Variants in NRXN2 observed in about 807,000 individuals in gnomAD.
The protein encoded by NRXN2 is neurexin-2-beta.
A neutral mutation model predicts 128.8 loss-of-function variants in NRXN2; 29 were observed. The ratio of observed to expected loss-of-function variants is 0.23; its 90% CI spans 0.17 to 0.31. The LOEUF is 0.31. NRXN2 is among the 10% of genes least tolerant of loss of function. NRXN2 has a pLI of 1.00. For missense variants in NRXN2, 1,881 were observed against 2,452.6 expected (o/e 0.77, Z 4.92); for synonymous variants, 1,098 against 1,075.2 (o/e 1.02, Z -0.41).
chr11:64,669,861 A>G (rs2050390722), intron 7 of NRXN2, among the ~76,000 whole-genome samples: 1 of 152,182 alleles, frequency 6.6e-6, no homozygotes, highest in South Asian at 2.1e-4. Flanking sequence ...GGTTAGCCCA[A>G]CACTGTGCTT....
Position 64,607,058 on chromosome 11 carries a change from T to C in NRXN2, c.*138A>G. On this transcript the variant is annotated 3_prime_UTR_variant, in exon 23 of 23. Transcript: ENST00000265459. ...GAGCACGGGGTTTTTCCTTTTCTTT[T>C]TTTGCGTTTCCTCTTCGTAAGAGAA... The C allele has an allele frequency of 2.1e-6, 2 of 935,442 alleles. No homozygotes were observed. Among genetic ancestry groups the C allele is most frequent in the Non-Finnish European group, 3.1e-6 (2 of 640,450 alleles). The allele number at this position is 935,442 out of a possible 1,614,324, so 57.9% of individuals were successfully genotyped here.
intron 1 of NRXN2, among the ~76,000 whole-genome samples, chr11:64,721,902 T>C (rs546447056): frequency 2.6e-4 from 40 of 152,106 alleles, no homozygotes; most frequent in Admixed American, 9.8e-4. Context: ...GACAGCCTCC[T>C]CCTTCACCTC....
Position 64,632,680 on chromosome 11 carries a change from G to A in NRXN2, c.3586-2107C>T, listed in dbSNP as rs911486245. Among the ~76,000 whole-genome samples the A allele has an allele frequency of 6.6e-6, 1 of 152,112 alleles. No homozygotes were observed. Among genetic ancestry groups the A allele is most frequent in the Non-Finnish European group, 1.5e-5 (1 of 67,996 alleles). On this transcript the variant is annotated intron_variant, in intron 18 of 22. Coordinates refer to ENST00000265459, the MANE Select transcript of NRXN2 (RefSeq NM_015080.4). The surrounding 1 kb of genome is among the most constrained non-coding windows in gnomAD (Gnocchi z 4.2). Reference sequence around the variant, plus strand: ...TTTCCTAGGAGGCAGTCAAGCTCAGGGCCCTGCACTCCGGGGGAGAGGCAG... The same window carrying A: ...TTTCCTAGGAGGCAGTCAAGCTCAGAGCCCTGCACTCCGGGGGAGAGGCAG...
Position 64,632,334 on chromosome 11 carries a change from A to C in NRXN2, c.3586-1761T>G, listed in dbSNP as rs988482982. Among the ~76,000 whole-genome samples the C allele has an allele frequency of 7.2e-5, 11 of 152,214 alleles. No homozygotes were observed. The highest frequency in any genetic ancestry group is 7.2e-4 in the Admixed American group (11 of 15,286). On this transcript the variant is annotated intron_variant, in intron 18 of 22. Transcript: ENST00000265459. The surrounding 1 kb of genome is among the most constrained non-coding windows in gnomAD (Gnocchi z 4.2). ...GCATGCAGCCTCTCTCCTCAGATGC[A>C]GTAAAGCAGGGAAACTGAGGCTGGG...
intron 8 of NRXN2, 92 bp downstream of exon 8, chr11:64,668,351 C>A: frequency 6.5e-7 from 1 of 1,529,684 alleles, no homozygotes; most frequent in South Asian, 1.1e-5. Flanking sequence ...AACAGATGAC[C>A]CAGACAACTA....
At chr11:64,655,788 C>T (rs2048189354) in intron 11 of NRXN2, among the ~76,000 whole-genome samples, 1 of 152,174 alleles carries the variant, frequency 6.6e-6, no homozygotes, top group Admixed American at 6.5e-5. Context: ...AGAGGGAAGC[C>T]AGCCCCATCC....
intron 19 of NRXN2, among the ~76,000 whole-genome samples, chr11:64,627,410 C>G (rs551052072): frequency 1.3e-5 from 2 of 151,880 alleles, no homozygotes; most frequent in Non-Finnish European, 2.9e-5. Flanking sequence ...CCTCTGCACC[C>G]TCCTCTGCCC....
chr11:64,623,247 A>G lies in NRXN2; in HGVS notation c.3848-169T>C. ...AGGAAGGGGCAGAAAGCCAAAGGGA[A>G]AGTCCTTGTCAGCCACAGCCCCTAG... On this transcript the variant is annotated intron_variant, in intron 20 of 22. Coordinates refer to ENST00000265459, the MANE Select transcript of NRXN2 (RefSeq NM_015080.4). This position sits in a 1 kb window ranked among gnomAD's most constrained non-coding sequence, Gnocchi z 4.9. 8.3e-7 allele frequency: 1 copy of G among 1,209,496 alleles called. No individual in the cohort carries two copies. The highest frequency in any genetic ancestry group is 1.1e-6 in the Non-Finnish European group (1 of 891,754). 74.9% of individuals were successfully genotyped at this position (1,209,496 alleles called of 1,614,324 possible).
chr11:64,713,008 C>A lies in NRXN2; in HGVS notation c.692G>T (p.Cys231Phe). ...CTTGCCGCCGAAGCCCGTGTGGCTGCAGTCGCAGCCCACCTCGCCGGGGGC... is the reference window on the plus strand; with the variant it reads ...CTTGCCGCCGAAGCCCGTGTGGCTGAAGTCGCAGCCCACCTCGCCGGGGGC... ...VLAPGEVGCD[C>F]SHTGFGGKFC... Residue 231 changes from cysteine to phenylalanine, a missense_variant, in exon 2 of 23, where the codon TGC becomes TTC. Transcript: ENST00000265459. 6.7e-7 allele frequency: 1 copy of A among 1,487,714 alleles called. No individual in the cohort carries two copies. The highest frequency in any genetic ancestry group is 1.3e-5 in the South Asian group (1 of 79,744). 92.2% of individuals were successfully genotyped at this position (1,487,714 alleles called of 1,614,324 possible). A position where few individuals can be genotyped will look rare whatever the true frequency, so the allele number is the denominator to read the frequency against.
Position 64,693,459 on chromosome 11 carries a change from G to A in NRXN2, c.749-583C>T, listed in dbSNP as rs201292924. Among the ~76,000 whole-genome samples, 17 of 152,116 alleles carry A rather than the reference G, an allele frequency of 1.1e-4. No individual in the cohort carries two copies. The East Asian group carries it at 1.5e-3, about 14-fold the overall frequency. On this transcript the variant is annotated intron_variant, in intron 3 of 22. Coordinates refer to ENST00000265459, the MANE Select transcript of NRXN2 (RefSeq NM_015080.4). ...GTGTCCTGTTAGCATGGGATTAAGC[G>A]GGCAAGGGGGCCTCCAACCCCCCAA...
rs143418018 is a variant in NRXN2, at chr11:64,670,572, C to T, written c.1198-1968G>A. Among the ~76,000 whole-genome samples the T allele has an allele frequency of 5.0e-3, 767 of 152,272 alleles. 5 individuals are homozygous for T. The highest frequency in any genetic ancestry group is 8.1e-3 in the Non-Finnish European group (554 of 68,010). On this transcript the variant is annotated intron_variant, in intron 7 of 22. Transcript: ENST00000265459. Reference sequence around the variant, plus strand: ...CTGCACTGAGGGACCAGGAACTGGGCTGCTGATTACTTCCTGTGCCTAAGT... The same window carrying T: ...CTGCACTGAGGGACCAGGAACTGGGTTGCTGATTACTTCCTGTGCCTAAGT...
chr11:64,707,761 C>T (rs1479901271), intron 2 of NRXN2, among the ~76,000 whole-genome samples: 1 of 152,164 alleles, frequency 6.6e-6, no homozygotes, highest in Non-Finnish European at 1.5e-5. Flanking sequence ...CTCTTAACAA[C>T]ACACTGGACA....
Position 64,630,361 on chromosome 11 carries a change from G to A in NRXN2, c.3757+41C>T. On this transcript the variant is annotated intron_variant, in intron 19 of 22. Transcript: ENST00000265459. This position sits in a 1 kb window ranked among gnomAD's most constrained non-coding sequence, Gnocchi z 4.6. ...GCACTCCTATCAGAGGCCGCCACCC[G>A]CCCCGCCACCGCGCCTCCTCCGCGG... 1.6e-6 allele frequency: 2 copies of A among 1,229,442 alleles called. No individual in the cohort carries two copies. The highest frequency in any genetic ancestry group is 2.2e-6 in the Non-Finnish European group (2 of 906,980). The allele number at this position is 1,229,442 out of a possible 1,614,324, so 76.2% of individuals were successfully genotyped here.
At chr11:64,617,454 C>T (rs1243431629) in intron 22 of NRXN2, among the ~76,000 whole-genome samples, 1 of 152,196 alleles carries the variant, frequency 6.6e-6, no homozygotes, top group Non-Finnish European at 1.5e-5. Flanking sequence ...CTGCTAAAGG[C>T]ACTCCCATTC....
intron 22 of NRXN2, among the ~76,000 whole-genome samples, chr11:64,608,666 C>T (rs1021202025): frequency 2.6e-5 from 4 of 152,142 alleles, no homozygotes; most frequent in East Asian, 1.9e-4. Context: ...ACAACTTTTC[C>T]GTACAACGTT....
chr11:64,663,312 A>G (rs548972517), intron 9 of NRXN2, among the ~76,000 whole-genome samples: 8 of 151,566 alleles, frequency 5.3e-5, no homozygotes, highest in African/African-American at 1.9e-4. Context: ...GGTTGCAGTG[A>G]GCTGAGATCA....
intron 2 of NRXN2, among the ~76,000 whole-genome samples, chr11:64,706,419 G>A (rs544399257): frequency 3.3e-5 from 5 of 149,510 alleles, no homozygotes; most frequent in East Asian, 4.0e-4. Context: ...GAGAACATGC[G>A]GTGTTTGGTT....
intron 22 of NRXN2, among the ~76,000 whole-genome samples, chr11:64,609,477 C>T (rs1012527584): frequency 5.3e-5 from 8 of 152,172 alleles, no homozygotes; most frequent in African/African-American, 1.9e-4. Context: ...TGGGTCTCCC[C>T]ATCTCTAGGT....
chr11:64,677,536 G>T (rs2051513584), intron 6 of NRXN2, among the ~76,000 whole-genome samples: 1 of 152,178 alleles, frequency 6.6e-6, no homozygotes, highest in Non-Finnish European at 1.5e-5. Flanking sequence ...ACCTGTCCCT[G>T]CCCATCCCTT....
Sources: gnomAD v4.1 joint callset for allele counts (sites outside exome capture counted in the v4.1 genomes callset) on GRCh38, gnomAD v4.1.1 for gene constraint, Gnocchi (gnomAD v3.1) non-coding constraint, MANE v1.5 for transcripts, NCBI Gene and HGNC (gene_info 2026-07-23, HGNC 2026-07-21) for gene names.